The following TAF3 variants were observed in gnomAD, a reference collection of about 807,000 sequenced individuals.
TAF3 encodes the protein TATA-box binding protein associated factor 3, also known as transcription initiation factor TFIID subunit 3.
Under a neutral mutation model 80.6 loss-of-function variants are expected in TAF3, and 7 were observed. That is an observed-to-expected ratio of 0.09 (90% CI 0.05 to 0.16). The LOEUF (loss-of-function observed/expected upper bound fraction) is 0.16. Ranked by LOEUF, TAF3 falls within the 10% of genes least tolerant of loss-of-function variation. The pLI is 1.00. For synonymous variants in TAF3, 444 were observed against 446.1 expected, an observed-to-expected ratio of 1.00 and a Z score of 0.06; for missense variants, 921 against 1,140.2, an observed-to-expected ratio of 0.81 and a Z score of 2.77.
intron 2 of TAF3, among the ~76,000 whole-genome samples, chr10:7,909,231 C>T (rs143003127): frequency 9.0e-4 from 137 of 152,374 alleles, no homozygotes; most frequent in Middle Eastern, 3.4e-3. Flanking sequence ...ATCAGAGCCT[C>T]TGGGGCCCAG....
intron 2 of TAF3, among the ~76,000 whole-genome samples, chr10:7,855,548 A>T (rs1837070126): frequency 6.6e-6 from 1 of 152,202 alleles, no homozygotes; most frequent in Admixed American, 6.5e-5. Flanking sequence ...TAGATAGGAT[A>T]CCCAAAGATA....
chr10:7,874,218 G>A (rs972271513), intron 2 of TAF3, among the ~76,000 whole-genome samples: 1 of 152,126 alleles, frequency 6.6e-6, no homozygotes, highest in Non-Finnish European at 1.5e-5. Flanking sequence ...AAACTTAAGG[G>A]CAGATTAAAG....
chr10:7,916,972 T>C (rs1029916246), intron 2 of TAF3, among the ~76,000 whole-genome samples: 7 of 152,226 alleles, frequency 4.6e-5, no homozygotes, highest in African/African-American at 1.7e-4. Flanking sequence ...CGAAAGAACA[T>C]AGGCTTTGGA....
At chr10:7,905,487 G>C (rs1428071818) in intron 2 of TAF3, among the ~76,000 whole-genome samples, 2 of 152,148 alleles carry the variant, frequency 1.3e-5, no homozygotes, top group African/African-American at 4.8e-5. Context: ...AACGAGTTCA[G>C]ATGGCTGGAC....
chr10:7,943,076 T>TA (rs748678174), intron 2 of TAF3, among the ~76,000 whole-genome samples: 9 of 152,210 alleles, frequency 5.9e-5, no homozygotes, highest in Non-Finnish European at 1.3e-4. Flanking sequence ...AGTCTGTCCT[T>TA]ACTTAGCAGC....
chr10:7,898,667 G>C (rs1424651110), intron 2 of TAF3, among the ~76,000 whole-genome samples: 1 of 152,000 alleles, frequency 6.6e-6, no homozygotes, highest in Non-Finnish European at 1.5e-5. Flanking sequence ...CAAGCACTGG[G>C]TTCTTATAAA....
chr10:7,902,248 A>C (rs1837565131), intron 2 of TAF3, among the ~76,000 whole-genome samples: 1 of 151,902 alleles, frequency 6.6e-6, no homozygotes, highest in South Asian at 2.1e-4. Context: ...ACATGGAGAA[A>C]CCCTGTCTCT....
intron 2 of TAF3, among the ~76,000 whole-genome samples, chr10:7,859,862 A>T (rs1837127059): frequency 6.6e-6 from 1 of 152,238 alleles, no homozygotes; most frequent in Non-Finnish European, 1.5e-5. Flanking sequence ...GCCGTTTCCC[A>T]GATAACTTAT....
intron 2 of TAF3, among the ~76,000 whole-genome samples, chr10:7,956,307 T>C (rs1838135228): frequency 6.6e-6 from 1 of 152,036 alleles, no homozygotes; most frequent in African/African-American, 2.4e-5. Context: ...GCCAGCATAG[T>C]GAAATCTCAT....
In TAF3 at chr10:7,996,645, G is replaced by T. The variant is rs77578181; in HGVS notation, c.2316-12433G>T. Reference sequence around the variant, plus strand: ...TTTTTTTGTATTTGTTGTGAGGGGGGTTTTTTTTGTGTTATCTGTATTCTT... The same window carrying T: ...TTTTTTTGTATTTGTTGTGAGGGGGTTTTTTTTTGTGTTATCTGTATTCTT... On this transcript the variant is annotated intron_variant, in intron 4 of 6. Transcript: ENST00000344293. Among the ~76,000 whole-genome samples, 388 of 151,428 alleles carry T rather than the reference G, an allele frequency of 2.6e-3. 6 individuals carry two copies. In the East Asian group the frequency reaches 0.029, roughly 11 times the overall value.
chr10:7,829,435 C>G (rs2131102882), intron 2 of TAF3, among the ~76,000 whole-genome samples: 1 of 152,284 alleles, frequency 6.6e-6, no homozygotes, highest in South Asian at 2.1e-4. Flanking sequence ...TGTCACGTCT[C>G]CTTAGACTTT....
chr10:7,950,382 A>T (rs1380079910), intron 2 of TAF3, among the ~76,000 whole-genome samples: 3 of 151,914 alleles, frequency 2.0e-5, no homozygotes, highest in Admixed American at 2.0e-4. Context: ...AGTTCGGAGA[A>T]TAATTGTGTG....
At chr10:7,908,165 C>T (rs925775054) in intron 2 of TAF3, among the ~76,000 whole-genome samples, 2 of 152,120 alleles carry the variant, frequency 1.3e-5, no homozygotes, top group African/African-American at 2.4e-5. Flanking sequence ...TAGACATGTA[C>T]GTTTGTTCCA....
chr10:7,841,593 CAA>C (rs1836912963), intron 2 of TAF3, among the ~76,000 whole-genome samples: 2 of 152,138 alleles, frequency 1.3e-5, no homozygotes, highest in Middle Eastern at 3.4e-3. Context: ...AGGATGGACT[CAA>C]GAGGAGATGT....
chr10:7,827,833 C>T (rs919917297), intron 2 of TAF3, among the ~76,000 whole-genome samples: 2 of 151,248 alleles, frequency 1.3e-5, no homozygotes, highest in African/African-American at 4.9e-5. Context: ...GTGGTGCACG[C>T]TTGTAGTCCC....
At chr10:7,944,111 G>GTGTA (rs1341996630) in intron 2 of TAF3, among the ~76,000 whole-genome samples, 1 of 151,300 alleles carries the variant, frequency 6.6e-6, no homozygotes, top group Admixed American at 6.6e-5. Context: ...GTGTGTGTGT[G>GTGTA]TGTGTGTGTG....
At chr10:7,890,006 A>G (rs149400409) in intron 2 of TAF3, among the ~76,000 whole-genome samples, 3 of 152,254 alleles carry the variant, frequency 2.0e-5, no homozygotes, top group Admixed American at 6.5e-5. Flanking sequence ...ACAGAAATCT[A>G]TTTGGTTACT....
chr10:8,011,938 G>A (rs561910999), intron 5 of TAF3, among the ~76,000 whole-genome samples: 2 of 152,296 alleles, frequency 1.3e-5, no homozygotes, highest in African/African-American at 4.8e-5. Flanking sequence ...AGCACTTTGG[G>A]AGGCCAAGGC....
At chr10:7,905,919 A>G (rs907330476) in intron 2 of TAF3, among the ~76,000 whole-genome samples, 1 of 152,104 alleles carries the variant, frequency 6.6e-6, no homozygotes, top group African/African-American at 2.4e-5. Flanking sequence ...TGCTTTATGT[A>G]TTTGTACTTT....
Sources: gnomAD v4.1 joint callset for allele counts (sites outside exome capture counted in the v4.1 genomes callset) on GRCh38, gnomAD v4.1.1 for gene constraint, MANE v1.5 for transcripts, NCBI Gene and HGNC (gene_info 2026-07-23, HGNC 2026-07-21) for gene names.